ZFHX4: variants seen among roughly 807,000 people sequenced by gnomAD.
The protein encoded by ZFHX4 is zinc finger homeobox protein 4.
ZFHX4 carries 56 observed loss-of-function variants against 267.6 expected under a neutral mutation model. The ratio of observed to expected loss-of-function variants is 0.21; its 90% CI spans 0.17 to 0.26. ZFHX4 has a LOEUF of 0.26. Ranked by LOEUF, ZFHX4 falls within the 10% of genes least tolerant of loss-of-function variation. The pLI, the probability that ZFHX4 is intolerant of heterozygous loss-of-function variation, is 1.00. For missense variants in ZFHX4, 4,332 were observed against 4,420.0 expected (o/e 0.98, Z 0.56); for synonymous variants, 1,778 against 1,665.6 (o/e 1.07, Z -1.64).
At chr8:76,861,826 A>G (rs1812876152) in intron 10 of ZFHX4, among the ~76,000 whole-genome samples, 1 of 151,924 alleles carries the variant, frequency 6.6e-6, no homozygotes, top group Admixed American at 6.6e-5. Flanking sequence ...GACCAATATT[A>G]ACAAGATGGC....
intron 3 of ZFHX4, among the ~76,000 whole-genome samples, chr8:76,773,518 G>T (rs548628325): frequency 3.2e-4 from 49 of 152,210 alleles, no homozygotes; most frequent in African/African-American, 1.1e-3. Flanking sequence ...AGGTGGTTTG[G>T]AAGTGAAAAA....
intron 3 of ZFHX4, among the ~76,000 whole-genome samples, chr8:76,760,900 GC>G (rs1298048795): frequency 2.2e-5 from 3 of 138,416 alleles, no homozygotes; most frequent in Non-Finnish European, 4.5e-5. Flanking sequence ...CTGCACTCCA[GC>G]CTGGGCAACA....
intron 1 of ZFHX4, among the ~76,000 whole-genome samples, chr8:76,696,543 A>G (rs1228262667): frequency 7.2e-5 from 11 of 151,786 alleles, no homozygotes; most frequent in Non-Finnish European, 2.9e-5. Context: ...TTATAATGAA[A>G]TCTAATTAAA....
At chr8:76,778,177 A>G (rs188634826) in intron 3 of ZFHX4, 31 bp from the exon 4 acceptor site, 2 of 1,448,256 alleles carry the variant, frequency 1.4e-6, no homozygotes, top group Admixed American at 1.7e-5. Context: ...GAGCTAGACC[A>G]TTGTTCTAAT....
chr8:76,849,572 G>A lies in ZFHX4; in HGVS notation c.3706G>A (p.Val1236Ile), dbSNP rs773341098. Residue 1236 changes from valine to isoleucine, a missense_variant, in exon 8 of 11, where the codon GTC (valine) becomes ATC (isoleucine). Val to Ile is a conservative substitution (Grantham distance 29, BLOSUM62 3). Coordinates refer to ENST00000651372, the MANE Select transcript of ZFHX4 (RefSeq NM_024721.5). ...SRDQSRIQMH[V>I]LSQHSVQPVI... ...GGACCAAAGTCGTATCCAGATGCAC[G>A]TCCTATCACAGCACTCGGTGCAGCC... 7.4e-6 allele frequency: 12 copies of A among 1,613,802 alleles called. No homozygotes were observed. The highest frequency in any genetic ancestry group is 2.2e-5 in the East Asian group (1 of 44,880).
chr8:76,738,394 C>G (rs1342804191), intron 3 of ZFHX4, among the ~76,000 whole-genome samples: 1 of 152,100 alleles, frequency 6.6e-6, no homozygotes, highest in Admixed American at 6.6e-5. Context: ...GATGGCTGAT[C>G]ATGTAGCAAG....
At chr8:76,757,779 C>A (rs1471958000) in intron 3 of ZFHX4, among the ~76,000 whole-genome samples, 1 of 152,038 alleles carries the variant, frequency 6.6e-6, no homozygotes, top group Non-Finnish European at 1.5e-5. Flanking sequence ...AGGAGGAGCC[C>A]AGGAGAGAAG....
chr8:76,861,435 G>A (rs1812864220), intron 10 of ZFHX4, among the ~76,000 whole-genome samples: 1 of 152,134 alleles, frequency 6.6e-6, no homozygotes, highest in Admixed American at 6.5e-5. Flanking sequence ...CATTAAGGAT[G>A]TTGGGAGATT....
intron 3 of ZFHX4, among the ~76,000 whole-genome samples, chr8:76,732,853 G>T (rs965825894): frequency 6.6e-6 from 1 of 152,104 alleles, no homozygotes; most frequent in African/African-American, 2.4e-5. Context: ...GAATAAGGGT[G>T]GGGGGAGATT....
At position 76,854,726 on chromosome 8, in the gene ZFHX4, AAC is replaced by A. The variant is rs1422207519; in HGVS notation, c.7808_7809del (p.His2603ProfsTer3). On this transcript the variant is annotated frameshift_variant, in exon 10 of 11. Transcript: ENST00000651372. LOFTEE classifies it high-confidence loss of function. ...GAAGGAGGGAATAGCGGTGAAGACCAACACCGAGATAAACGCTTGAGAACCAC... is the reference window on the plus strand; with the variant it reads ...GAAGGAGGGAATAGCGGTGAAGACCAACCGAGATAAACGCTTGAGAACCAC... The A allele has an allele frequency of 6.2e-7, 1 of 1,613,196 alleles. No individual in the cohort carries two copies. The highest frequency in any genetic ancestry group is 1.3e-5 in the African/African-American group (1 of 74,892).
At chr8:76,820,918 T>C (rs1811632587) in intron 4 of ZFHX4, among the ~76,000 whole-genome samples, 2 of 152,222 alleles carry the variant, frequency 1.3e-5, no homozygotes, top group East Asian at 3.8e-4. Context: ...TAAAACCAGA[T>C]GACTTTTGCT....
chr8:76,687,016 T>C (rs568904066), intron 1 of ZFHX4, among the ~76,000 whole-genome samples: 7 of 152,194 alleles, frequency 4.6e-5, no homozygotes, highest in Admixed American at 1.3e-4. Flanking sequence ...GGAAAGTGCA[T>C]GTGAATATGT....
intron 4 of ZFHX4, among the ~76,000 whole-genome samples, chr8:76,779,199 G>A (rs1810482753): frequency 6.6e-6 from 1 of 152,018 alleles, no homozygotes; most frequent in Non-Finnish European, 1.5e-5. Flanking sequence ...GGTGGTTCAG[G>A]GTTTGGGTGC....
At chr8:76,787,441 GT>G (rs1349031050) in intron 4 of ZFHX4, among the ~76,000 whole-genome samples, 1 of 152,060 alleles carries the variant, frequency 6.6e-6, no homozygotes, top group African/African-American at 2.4e-5. Flanking sequence ...ACCACAGGGT[GT>G]GTTGGAGGTC....
intron 1 of ZFHX4, among the ~76,000 whole-genome samples, chr8:76,687,532 G>C (rs1807721401): frequency 6.6e-6 from 1 of 152,024 alleles, no homozygotes; most frequent in Admixed American, 6.6e-5. Flanking sequence ...ATTCTTTTTG[G>C]GCATCTGTAA....
At chr8:76,721,266 GT>G (rs1325307740) in intron 3 of ZFHX4, among the ~76,000 whole-genome samples, 1 of 152,130 alleles carries the variant, frequency 6.6e-6, no homozygotes, top group Non-Finnish European at 1.5e-5. Context: ...TTCATACTAT[GT>G]TCTTTGAAAA....
chr8:76,776,742 C>G (rs2733717), intron 3 of ZFHX4, among the ~76,000 whole-genome samples: 2 of 152,106 alleles, frequency 1.3e-5, no homozygotes, highest in Non-Finnish European at 2.9e-5. Context: ...TAACCTTTTA[C>G]AAAAATTTTG....
At chr8:76,808,508 G>A (rs1811299253) in intron 4 of ZFHX4, among the ~76,000 whole-genome samples, 1 of 152,162 alleles carries the variant, frequency 6.6e-6, no homozygotes, top group Non-Finnish European at 1.5e-5. Context: ...ACGAATCCCA[G>A]CGCAAATGAC....
At chr8:76,808,148 A>G (rs1346979489) in intron 4 of ZFHX4, among the ~76,000 whole-genome samples, 1 of 152,144 alleles carries the variant, frequency 6.6e-6, no homozygotes, top group Non-Finnish European at 1.5e-5. Flanking sequence ...TATAACCAGT[A>G]TATTCAAGTT....
Sources: allele counts gnomAD v4.1 joint callset (sites outside exome capture counted in the v4.1 genomes callset), GRCh38; gene constraint gnomAD v4.1.1; transcripts MANE v1.5; gene names NCBI Gene and HGNC (gene_info 2026-07-23, HGNC 2026-07-21).